Variants in MINDY4 observed in about 807,000 individuals in gnomAD.
MINDY4 encodes MINDY lysine 48 deubiquitinase 4.
Under a neutral mutation model 87.0 loss-of-function variants are expected in MINDY4, and 68 were observed. That is an observed-to-expected ratio of 0.78 (90% CI 0.64 to 0.96). MINDY4 has a LOEUF of 0.96. MINDY4 is among the 40% of genes least tolerant of loss of function. The probability of loss-of-function intolerance (pLI) is 0.00; values close to 1 mark genes in which losing one functional copy is unlikely to be tolerated. For synonymous variants in MINDY4, 379 were observed against 363.2 expected (o/e 1.04, Z -0.50); for missense variants, 919 against 928.2 (o/e 0.99, Z 0.13).
intron 5 of MINDY4, among the ~76,000 whole-genome samples, chr7:30,793,798 A>G (rs1787395118): frequency 6.6e-6 from 1 of 152,220 alleles, no homozygotes; most frequent in African/African-American, 2.4e-5. Flanking sequence ...TATGGAATTT[A>G]TCAGTCATAT....
At chr7:30,835,407 G>A (rs1323649994) in intron 6 of MINDY4, among the ~76,000 whole-genome samples, 2 of 152,182 alleles carry the variant, frequency 1.3e-5, no homozygotes, top group Admixed American at 6.5e-5. Context: ...TGGGTCCCTC[G>A]CACAGCACAT....
chr7:30,852,438 G>A, intron 11 of MINDY4, 159 bp downstream of exon 11: 1 of 918,266 alleles, frequency 1.1e-6, no homozygotes, highest in Non-Finnish European at 1.3e-6. Flanking sequence ...ACAGACGTGG[G>A]GTGGCTTTGG....
At chr7:30,848,981 T>C (rs1206293629) in intron 9 of MINDY4, among the ~76,000 whole-genome samples, 1 of 152,158 alleles carries the variant, frequency 6.6e-6, no homozygotes, top group African/African-American at 2.4e-5. Flanking sequence ...CTTACAAACA[T>C]CTCCTTTAAA....
rs1039854661 is a variant in MINDY4, at chr7:30,892,046, C to T, written c.*41C>T. The T allele has an allele frequency of 1.2e-6, 2 of 1,607,474 alleles. No individual in the cohort carries two copies. The highest frequency in any genetic ancestry group is 1.7e-6 in the Non-Finnish European group (2 of 1,173,922). The stretch of plus-strand genomic sequence containing the variant: ...AAACCCTGTGGTCCACCACTCATCA[C>T]CTCATCACCGAGGATGACAGCTGAA... On this transcript the variant is annotated 3_prime_UTR_variant, in exon 18 of 18. Coordinates refer to ENST00000265299, the MANE Select transcript of MINDY4 (RefSeq NM_032222.3).
chr7:30,783,605 G>T (rs1787067752), intron 3 of MINDY4, among the ~76,000 whole-genome samples: 1 of 152,120 alleles, frequency 6.6e-6, no homozygotes, highest in South Asian at 2.1e-4. Flanking sequence ...ATAGATTCTG[G>T]GGATCAGGAT....
intron 14 of MINDY4, among the ~76,000 whole-genome samples, chr7:30,874,409 G>A (rs1379001969): frequency 6.6e-6 from 1 of 152,254 alleles, no homozygotes; most frequent in Non-Finnish European, 1.5e-5. Context: ...TGTGGCTTGA[G>A]TAACCCACCT....
chr7:30,821,105 A>C (rs1183585276), intron 5 of MINDY4, among the ~76,000 whole-genome samples: 1 of 152,166 alleles, frequency 6.6e-6, no homozygotes, highest in Admixed American at 6.5e-5. Flanking sequence ...TTTAACTCTG[A>C]TGATTGTTTC....
intron 9 of MINDY4, among the ~76,000 whole-genome samples, chr7:30,848,573 C>G (rs1562552668): frequency 6.6e-6 from 1 of 152,184 alleles, no homozygotes; most frequent in African/African-American, 2.4e-5. Flanking sequence ...CCCCCTTAGT[C>G]CTTGGTGTGG....
chr7:30,875,457 C>T (rs1307893285), intron 14 of MINDY4, 38 bp from the exon 15 acceptor site: 1 of 1,610,950 alleles, frequency 6.2e-7, no homozygotes, highest in Admixed American at 1.7e-5. Context: ...GTAACTGATT[C>T]AGACTTGATG....
intron 5 of MINDY4, among the ~76,000 whole-genome samples, chr7:30,798,852 G>A (rs942353480): frequency 1.3e-5 from 2 of 152,130 alleles, no homozygotes; most frequent in African/African-American, 4.8e-5. Flanking sequence ...TGGCCTTCCT[G>A]TGGCCTTAGT....
intron 5 of MINDY4, among the ~76,000 whole-genome samples, chr7:30,802,662 T>G (rs760294587): frequency 6.6e-6 from 1 of 152,202 alleles, no homozygotes; most frequent in African/African-American, 2.4e-5. Context: ...AAGTGGTAAG[T>G]CTTTCATATA....
chr7:30,774,550 C>T (rs931022468), intron 1 of MINDY4, among the ~76,000 whole-genome samples: 14 of 152,096 alleles, frequency 9.2e-5, no homozygotes. Context: ...CCTGTGTCTA[C>T]TTTCATTTTA....
chr7:30,777,802 G>A (rs1786872382), intron 1 of MINDY4, among the ~76,000 whole-genome samples: 1 of 152,366 alleles, frequency 6.6e-6, no homozygotes, highest in Non-Finnish European at 1.5e-5. Flanking sequence ...TTTTCAAATA[G>A]AGAAGCCAGG....
Position 30,892,086 on chromosome 7 carries a change from G to A in MINDY4, c.*81G>A, listed in dbSNP as rs1469302594. 3.9e-6 allele frequency: 6 copies of A among 1,524,304 alleles called. No individual in the cohort carries two copies. The African/African-American group carries it at 8.2e-5, about 21-fold the overall frequency. 94.4% of individuals were successfully genotyped at this position (1,524,304 alleles called of 1,614,324 possible). On this transcript the variant is annotated 3_prime_UTR_variant, in exon 18 of 18. Coordinates refer to ENST00000265299, the MANE Select transcript of MINDY4 (RefSeq NM_032222.3). Reference sequence around the variant, plus strand: ...TGACAGCTGAACCCCAAGCCTCTGGGGCAGGTCTCATGTACCCCAACCTGG... The same window carrying A: ...TGACAGCTGAACCCCAAGCCTCTGGAGCAGGTCTCATGTACCCCAACCTGG...
intron 6 of MINDY4, among the ~76,000 whole-genome samples, chr7:30,836,126 G>A (rs1042676231): frequency 2.0e-5 from 3 of 152,204 alleles, no homozygotes; most frequent in Admixed American, 2.0e-4. Context: ...AGGCTGTTGT[G>A]GAAGAAGGTG....
chr7:30,784,724 C>A (rs932328744), intron 3 of MINDY4, among the ~76,000 whole-genome samples: 1 of 152,186 alleles, frequency 6.6e-6, no homozygotes, highest in Non-Finnish European at 1.5e-5. Flanking sequence ...TCTCTGGGAG[C>A]CCTTCAGAAT....
chr7:30,778,551 G>C lies in MINDY4; in HGVS notation c.183G>C (p.Lys61Asn). The change falls in exon 2 of 18, where the codon AAG (lysine) becomes AAC (asparagine). Residue 61 changes from lysine (K) to asparagine (N), a missense_variant and splice_region_variant. Lys to Asn is a moderately conservative substitution (Grantham distance 94). Coordinates refer to ENST00000265299, the MANE Select transcript of MINDY4 (RefSeq NM_032222.3). ...LHLEFLYKEN[K>N]AKENPLKTSL... The stretch of plus-strand genomic sequence containing the variant: ...TTGAATTTCTCTATAAGGAGAACAA[G>C]GTATGTGCTTTCTAAGGTGTGGTGT... The C allele has an allele frequency of 6.2e-7, 1 of 1,614,184 alleles. No individual in the cohort carries two copies. The highest frequency in any genetic ancestry group is 8.5e-7 in the Non-Finnish European group (1 of 1,180,012).
chr7:30,882,400 C>T, intron 16 of MINDY4, 39 bp downstream of exon 16: 1 of 1,451,166 alleles, frequency 6.9e-7, no homozygotes, highest in Non-Finnish European at 9.1e-7. Context: ...AACCCTGTCC[C>T]CAAGGAGCCT....
intron 9 of MINDY4, among the ~76,000 whole-genome samples, chr7:30,847,980 A>G (rs1789278803): frequency 6.6e-6 from 1 of 152,154 alleles, no homozygotes; most frequent in Non-Finnish European, 1.5e-5. Context: ...CGATCCTCCC[A>G]CCTGGGGCTT....
Sources: allele counts gnomAD v4.1 joint callset (sites outside exome capture counted in the v4.1 genomes callset), GRCh38; gene constraint gnomAD v4.1.1; transcripts MANE v1.5; gene names NCBI Gene and HGNC (gene_info 2026-07-23, HGNC 2026-07-21).